Variants in NBAS observed in about 807,000 individuals in gnomAD.
NBAS encodes NBAS subunit of NRZ tethering complex.
In NBAS, 219 loss-of-function variants were observed where a neutral mutation model predicts 302.5. The observed-to-expected ratio is 0.72, with a 90% CI of 0.65 to 0.81. The LOEUF is 0.81. NBAS is among the 30% of genes least tolerant of loss of function. The probability of loss-of-function intolerance (pLI) is 0.00; values close to 1 mark genes in which losing one functional copy is unlikely to be tolerated. For missense variants in NBAS, 2,932 were observed against 2,841.6 expected, an observed-to-expected ratio of 1.03 and a Z score of -0.72; for synonymous variants, 1,118 against 1,021.6, an observed-to-expected ratio of 1.09 and a Z score of -1.80.
At chr2:15,470,754 T>C (rs1679922103) in intron 16 of NBAS, among the ~76,000 whole-genome samples, 1 of 152,070 alleles carries the variant, frequency 6.6e-6, no homozygotes, top group African/African-American at 2.4e-5. Context: ...GAAATCTACT[T>C]ATACGGCCAG....
chr2:15,065,151 G>T, the NBAS span, among the ~76,000 whole-genome samples: 1 of 151,898 alleles, frequency 6.6e-6, no homozygotes, highest in Non-Finnish European at 1.5e-5. Flanking sequence ...ATTCTTTCAC[G>T]ATATATACAT....
At position 15,238,527 on chromosome 2, in the gene NBAS, G is replaced by A; in HGVS notation, c.5884C>T (p.Leu1962Phe). 6.2e-7 allele frequency: 1 copy of A among 1,614,214 alleles called. No homozygotes were observed. Among genetic ancestry groups the A allele is most frequent in the Non-Finnish European group, 8.5e-7 (1 of 1,180,038 alleles). Residue 1962 changes from leucine (L) to phenylalanine (F), a missense_variant, in exon 45 of 52, where the codon CTT becomes TTT. Physicochemically the swap from Leu to Phe is conservative, Grantham distance 22. Coordinates refer to ENST00000281513, the MANE Select transcript of NBAS (RefSeq NM_015909.4). ...ADTLNHLEKSLAHLETLSHSF... is the reference protein window; with the variant it reads ...ADTLNHLEKSFAHLETLSHSF... ...TGGCTCAGGGTTTCCAGGTGGGCAA[G>A]TGATTTCTCCAGATGATTCAAAGTA...
At chr2:15,074,822 C>A in the NBAS span, among the ~76,000 whole-genome samples, 1 of 152,092 alleles carries the variant, frequency 6.6e-6, no homozygotes, top group African/African-American at 2.4e-5. Flanking sequence ...AGATCTCAAG[C>A]ACCACATATG....
intron 48 of NBAS, among the ~76,000 whole-genome samples, chr2:15,201,409 T>C (rs1045027024): frequency 6.6e-6 from 1 of 152,180 alleles, no homozygotes; most frequent in Admixed American, 6.5e-5. Flanking sequence ...TGGCCAATAA[T>C]GCCTGTTGTG....
chr2:15,147,112 T>G, the NBAS span, among the ~76,000 whole-genome samples: 1 of 152,136 alleles, frequency 6.6e-6, no homozygotes, highest in Non-Finnish European at 1.5e-5. Flanking sequence ...AAACCAACTG[T>G]TCTGGGTAGC....
chr2:14,923,774 A>G, the NBAS span, among the ~76,000 whole-genome samples: 1 of 152,254 alleles, frequency 6.6e-6, no homozygotes, highest in African/African-American at 2.4e-5. Context: ...ACCCCCACCC[A>G]CTGTGGACCA....
intron 26 of NBAS, among the ~76,000 whole-genome samples, chr2:15,398,142 TGTTTGGTTTG>T (rs149363510): frequency 0.033 from 891 of 27,190 alleles, 9 homozygotes; most frequent in African/African-American, 0.079. Flanking sequence ...TGTTTTGTTT[TGTTTGGTTTG>T]GTTTTGTTTG....
At chr2:14,920,252 C>A in the NBAS span, among the ~76,000 whole-genome samples, 7 of 152,128 alleles carry the variant, frequency 4.6e-5, 1 homozygote, top group Admixed American at 2.6e-4. Flanking sequence ...TAAAGGGAAT[C>A]TTTTTTTCTG....
chr2:15,450,200 TC>T (rs1196759706), intron 21 of NBAS, among the ~76,000 whole-genome samples: 3 of 152,302 alleles, frequency 2.0e-5, no homozygotes, highest in African/African-American at 7.2e-5. Flanking sequence ...AAAAAGAGAT[TC>T]ATCTTTGTTT....
At chr2:14,848,321 A>AG in the NBAS span, among the ~76,000 whole-genome samples, 1 of 144,450 alleles carries the variant, frequency 6.9e-6, no homozygotes, top group Admixed American at 6.7e-5. Flanking sequence ...GGTGACGGAC[A>AG]CACCTGGAAA....
At chr2:14,935,137 T>C in the NBAS span, among the ~76,000 whole-genome samples, 1 of 152,208 alleles carries the variant, frequency 6.6e-6, no homozygotes, top group African/African-American at 2.4e-5. Flanking sequence ...GCACCATTTT[T>C]GTTTTCCCCT....
the NBAS span, among the ~76,000 whole-genome samples, chr2:14,836,914 TC>T: frequency 6.6e-6 from 1 of 151,906 alleles, no homozygotes; most frequent in Admixed American, 6.6e-5. Flanking sequence ...GAAATTTGTT[TC>T]CTAATTGCAA....
the NBAS span, among the ~76,000 whole-genome samples, chr2:14,923,109 G>A: frequency 3.2e-4 from 49 of 152,158 alleles, no homozygotes; most frequent in African/African-American, 9.7e-4. Flanking sequence ...CCGAGATTGC[G>A]CAACTGCACT....
At chr2:15,163,408 C>T (rs968701631), downstream of NBAS, among the ~76,000 whole-genome samples, 1 of 152,196 alleles carries the variant, frequency 6.6e-6, no homozygotes, top group African/African-American at 2.4e-5. Flanking sequence ...GTGACATAAA[C>T]CCTGCTCTCC....
the NBAS span, chr2:14,890,395 G>A: frequency 5.3e-5 from 8 of 152,036 alleles, no homozygotes; most frequent in African/African-American, 1.9e-4. Context: ...TATAATGCTA[G>A]CATATGGCAT....
chr2:15,249,205 G>A (rs1558473907), intron 44 of NBAS, among the ~76,000 whole-genome samples: 1 of 151,282 alleles, frequency 6.6e-6, no homozygotes, highest in Non-Finnish European at 1.5e-5. Flanking sequence ...CAGAACCAAT[G>A]AAAAAAACCA....
chr2:15,522,233 C>T (rs1339014190), intron 9 of NBAS, among the ~76,000 whole-genome samples: 1 of 152,038 alleles, frequency 6.6e-6, no homozygotes, highest in Non-Finnish European at 1.5e-5. Flanking sequence ...TAAATTGGGT[C>T]AGAAGTAATG....
chr2:14,874,574 A>G, the NBAS span, among the ~76,000 whole-genome samples: 2 of 151,010 alleles, frequency 1.3e-5, no homozygotes, highest in African/African-American at 4.9e-5. Context: ...CGGGAGGTGG[A>G]GCTTGCAGTG....
chr2:14,906,126 T>TTAG, the NBAS span, among the ~76,000 whole-genome samples: 16 of 151,944 alleles, frequency 1.1e-4, no homozygotes, highest in South Asian at 4.2e-4. Flanking sequence ...AGTAGTAGTA[T>TTAG]TAGTAGTAGT....
Sources: allele counts gnomAD v4.1 joint callset (sites outside exome capture counted in the v4.1 genomes callset), GRCh38; gene constraint gnomAD v4.1.1; transcripts MANE v1.5; gene names NCBI Gene and HGNC (gene_info 2026-07-23, HGNC 2026-07-21).